The following RAB37 variants were observed in gnomAD, a reference collection of about 807,000 sequenced individuals.
RAB37 encodes ras-related protein Rab-37.
Under a neutral mutation model 33.1 loss-of-function variants are expected in RAB37, and 29 were observed. That is an observed-to-expected ratio of 0.88 (90% CI 0.65 to 1.20). RAB37 has a LOEUF of 1.20. RAB37 is among the 50% of genes most tolerant of loss of function. The pLI is 0.00. For synonymous variants in RAB37, 128 were observed against 119.5 expected (o/e 1.07, Z -0.47); for missense variants, 299 against 301.1 (o/e 0.99, Z 0.05).
intron 1 of RAB37, among the ~76,000 whole-genome samples, chr17:74,687,146 C>T (rs1220708305): frequency 6.6e-6 from 1 of 152,144 alleles, no homozygotes; most frequent in African/African-American, 2.4e-5. Flanking sequence ...GAGGTACCTT[C>T]AGAAAAACAA....
chr17:74,739,458 G>A (rs1052881717), intron 1 of RAB37, among the ~76,000 whole-genome samples: 14 of 150,454 alleles, frequency 9.3e-5, no homozygotes, highest in African/African-American at 2.9e-4. Flanking sequence ...GGTTTCTGCT[G>A]AAAGAACTTC....
chr17:74,694,649 A>G (rs1172035866), intron 1 of RAB37: 2 of 155,638 alleles, frequency 1.3e-5, no homozygotes, highest in East Asian at 3.8e-4. Flanking sequence ...ACTTACATAC[A>G]TCTGCACTGT....
chr17:74,734,337 TATATTAGTA>T (rs2034435057), upstream of RAB37, among the ~76,000 whole-genome samples: 1 of 152,242 alleles, frequency 6.6e-6, no homozygotes, highest in South Asian at 2.1e-4. Flanking sequence ...TGGCCTGCCC[TATATTAGTA>T]TAACCTCATC....
chr17:74,707,097 G>T (rs2033583402), intron 1 of RAB37, among the ~76,000 whole-genome samples: 1 of 152,092 alleles, frequency 6.6e-6, no homozygotes, highest in Admixed American at 6.5e-5. Flanking sequence ...TGGAGAGGAC[G>T]CCAAAAGCAC....
intron 1 of RAB37, chr17:74,677,411 A>G (rs1274634198): frequency 6.6e-6 from 1 of 151,718 alleles, no homozygotes; most frequent in African/African-American, 2.4e-5. Context: ...TTTTTTTTCG[A>G]TGAAACAATG....
At position 74,671,314 on chromosome 17, in the gene RAB37, C is replaced by T; in HGVS notation, c.-273C>T. 2.1e-6 allele frequency: 1 copy of T among 477,686 alleles called. No homozygotes were observed. The highest frequency in any genetic ancestry group is 3.8e-6 in the Non-Finnish European group (1 of 263,570). The allele number at this position is 477,686 out of a possible 1,614,324, so 29.6% of individuals were successfully genotyped here. ...GAGTCCTAAGAGGCAGGGATTGGAG[C>T]GGACAGGATCTCAGAACTCTGGTCC... is the stretch of plus-strand genomic sequence containing the variant. On this transcript the variant is annotated 5_prime_UTR_variant, in exon 1 of 8. Transcript: ENST00000340415. This position sits in a 1 kb window ranked among gnomAD's most constrained non-coding sequence, Gnocchi z 5.0.
chr17:74,678,041 A>C (rs927755044), intron 1 of RAB37, among the ~76,000 whole-genome samples: 1 of 152,214 alleles, frequency 6.6e-6, no homozygotes, highest in Admixed American at 6.5e-5. Flanking sequence ...GCCAGAGGTG[A>C]GCACCAGGCT....
At chr17:74,674,363 G>A (rs1286146895) in intron 1 of RAB37, among the ~76,000 whole-genome samples, 1 of 150,822 alleles carries the variant, frequency 6.6e-6, no homozygotes, top group East Asian at 2.0e-4. Flanking sequence ...TTATATGTAT[G>A]AGCCACCATG....
chr17:74,704,676 A>G (rs951527544), intron 1 of RAB37: 2 of 1,614,214 alleles, frequency 1.2e-6, no homozygotes, highest in African/African-American at 1.3e-5. Flanking sequence ...AGGATCTTGC[A>G]GTCACGCCAA....
chr17:74,711,906 CTTTTTTT>C (rs71361629), intron 1 of RAB37, among the ~76,000 whole-genome samples: 24 of 123,680 alleles, frequency 1.9e-4, no homozygotes, highest in East Asian at 7.0e-4. Context: ...TTTCTTTTTT[CTTTTTTT>C]TTTTTTTTTG....
At chr17:74,723,590 T>G (rs2034269052) in intron 1 of RAB37, among the ~76,000 whole-genome samples, 1 of 150,284 alleles carries the variant, frequency 6.7e-6, no homozygotes, top group African/African-American at 2.5e-5. Context: ...TTTTTTTTTT[T>G]TTTTTTGAGA....
intron 1 of RAB37, among the ~76,000 whole-genome samples, chr17:74,721,844 C>T (rs2034244802): frequency 6.6e-6 from 1 of 152,166 alleles, no homozygotes; most frequent in African/African-American, 2.4e-5. Context: ...AATGTATACT[C>T]CCACTAATAG....
chr17:74,710,902 C>T (rs537490914), intron 1 of RAB37, among the ~76,000 whole-genome samples: 2 of 151,830 alleles, frequency 1.3e-5, no homozygotes, highest in South Asian at 2.1e-4. Context: ...TTGCCAGGCA[C>T]GGTGGCTCAT....
chr17:74,723,787 G>T (rs562170583), intron 1 of RAB37, among the ~76,000 whole-genome samples: 2 of 152,074 alleles, frequency 1.3e-5, no homozygotes, highest in Admixed American at 1.3e-4. Flanking sequence ...ATGTTGGCAG[G>T]CTGGTCTCAA....
intron 1 of RAB37, among the ~76,000 whole-genome samples, chr17:74,679,990 A>G (rs2143472043): frequency 7.1e-6 from 1 of 141,704 alleles, no homozygotes; most frequent in Non-Finnish European, 1.6e-5. Flanking sequence ...AAAAAAAAAA[A>G]AAAAGAAAGA....
chr17:74,693,183 A>C (rs1056341793), intron 1 of RAB37, among the ~76,000 whole-genome samples: 4 of 152,268 alleles, frequency 2.6e-5, no homozygotes, highest in African/African-American at 9.6e-5. Flanking sequence ...TGATGATAAA[A>C]AGGAGCTAAC....
At chr17:74,739,815 G>A (rs1191119196) in intron 1 of RAB37, among the ~76,000 whole-genome samples, 2 of 151,952 alleles carry the variant, frequency 1.3e-5, no homozygotes, top group Admixed American at 6.6e-5. Flanking sequence ...ACACACATGA[G>A]CTACTGCACC....
chr17:74,713,899 CAAAAAAAAAAAAAAAAA>C (rs55993385), intron 1 of RAB37, among the ~76,000 whole-genome samples: 2 of 51,206 alleles, frequency 3.9e-5, no homozygotes, highest in South Asian at 1.3e-3. Flanking sequence ...TTCATCTCCA[CAAAAAAAAAAAAAAAAA>C]AAAAAAAAAA....
chr17:74,726,392 T>C (rs1348925151), intron 1 of RAB37, among the ~76,000 whole-genome samples: 1 of 151,410 alleles, frequency 6.6e-6, no homozygotes, highest in African/African-American at 2.4e-5. Flanking sequence ...TTTCCTATGA[T>C]GAAAATTGAT....
Sources: gnomAD v4.1 joint callset for allele counts (sites outside exome capture counted in the v4.1 genomes callset) on GRCh38, gnomAD v4.1.1 for gene constraint, Gnocchi (gnomAD v3.1) non-coding constraint, MANE v1.5 for transcripts, NCBI Gene and HGNC (gene_info 2026-07-23, HGNC 2026-07-21) for gene names.